LIMCH1: variants seen among roughly 807,000 people sequenced by gnomAD.
LIMCH1 encodes LIM and calponin homology domains 1, also known as LIM and calponin homology domains-containing protein 1.
A neutral mutation model predicts 176.5 loss-of-function variants in LIMCH1; 113 were observed. That is an observed-to-expected ratio of 0.64 (90% CI 0.55 to 0.75). The LOEUF (loss-of-function observed/expected upper bound fraction) is 0.75. Ranked by LOEUF, LIMCH1 falls within the 30% of genes least tolerant of loss-of-function variation. The probability of loss-of-function intolerance (pLI) is 0.00; values close to 1 mark genes in which losing one functional copy is unlikely to be tolerated. For missense variants in LIMCH1, 1,674 were observed against 1,814.9 expected, an observed-to-expected ratio of 0.92 and a Z score of 1.41; for synonymous variants, 619 against 645.9, an observed-to-expected ratio of 0.96 and a Z score of 0.63.
At chr4:41,651,242 TGATC>T (rs2094285014) in intron 18 of LIMCH1, among the ~76,000 whole-genome samples, 1 of 152,130 alleles carries the variant, frequency 6.6e-6, no homozygotes, top group African/African-American at 2.4e-5. Flanking sequence ...TGACCTCAAG[TGATC>T]CACCCACCTC....
Position 41,619,398 on chromosome 4 carries a change from G to A in LIMCH1, c.416G>A (p.Trp139Ter). Reference protein sequence around the residue: ...KAEREEYRKSWSTATSPLGGE... With the variant: ...KAEREEYRKS ...GAGAGAGAGGAATACCGCAAGAGCTGGAGTACCGCCACCTCCCCGCTGGGT... is the reference window on the plus strand; with the variant it reads ...GAGAGAGAGGAATACCGCAAGAGCTAGAGTACCGCCACCTCCCCGCTGGGT... Residue 139 changes from tryptophan (W) to a stop codon, truncating the protein, a stop_gained, in exon 6 of 32, where the codon TGG becomes TAG. Transcript: ENST00000503057. LOFTEE classifies it high-confidence loss of function. 6.2e-7 allele frequency: 1 copy of A among 1,612,922 alleles called. No individual in the cohort carries two copies. Among genetic ancestry groups the A allele is most frequent in the Non-Finnish European group, 8.5e-7 (1 of 1,180,030 alleles).
chr4:41,607,362 A>T (rs1282599925), intron 4 of LIMCH1, among the ~76,000 whole-genome samples: 1 of 152,254 alleles, frequency 6.6e-6, no homozygotes, highest in Non-Finnish European at 1.5e-5. Context: ...CAAAGCTTTC[A>T]TATTGGTCAT....
intron 1 of LIMCH1, among the ~76,000 whole-genome samples, chr4:41,539,317 C>G (rs1004133304): frequency 6.6e-6 from 1 of 152,126 alleles, no homozygotes; most frequent in Non-Finnish European, 1.5e-5. Flanking sequence ...TCAGCAGTCC[C>G]GGGAGAAGGG....
In LIMCH1 at chr4:41,422,748, T is replaced by C. The variant is rs185262800; in HGVS notation, c.96+61812T>C. Among the ~76,000 whole-genome samples, 532 of 152,220 alleles carry C rather than the reference T, an allele frequency of 3.5e-3. 2 individuals carry two copies. Among genetic ancestry groups the C allele is most frequent in the Non-Finnish European group, 3.9e-3 (265 of 68,010 alleles). ...CTAGCAGATACGGACATTTCTTTTT[T>C]CTTTCTTTCCTTTTTTATTTTTTCT... On this transcript the variant is annotated intron_variant, in intron 1 of 26. Transcript: ENST00000313860.
intron 1 of LIMCH1, among the ~76,000 whole-genome samples, chr4:41,431,000 A>C (rs1473960275): frequency 6.6e-6 from 1 of 152,222 alleles, no homozygotes; most frequent in Non-Finnish European, 1.5e-5. Flanking sequence ...TTTGTCATTT[A>C]AAATAGCAGA....
At chr4:41,670,373 C>T (rs1271748829) in intron 21 of LIMCH1, among the ~76,000 whole-genome samples, 1 of 152,064 alleles carries the variant, frequency 6.6e-6, no homozygotes, top group Admixed American at 6.6e-5. Context: ...CTAGTGTTCT[C>T]CAAAAAGCAA....
chr4:41,497,744 G>A (rs1249659912), intron 2 of LIMCH1, among the ~76,000 whole-genome samples: 1 of 151,790 alleles, frequency 6.6e-6, no homozygotes, highest in East Asian at 1.9e-4. Flanking sequence ...GGCGGAGGTT[G>A]CAGTGAGCTG....
At chr4:41,547,326 C>G (rs1406831180) in intron 1 of LIMCH1, among the ~76,000 whole-genome samples, 1 of 152,154 alleles carries the variant, frequency 6.6e-6, no homozygotes, top group Admixed American at 6.6e-5. Flanking sequence ...TTACCTCCTC[C>G]TTAGCCTCCG....
At chr4:41,476,974 G>T (rs538074638) in intron 1 of LIMCH1, among the ~76,000 whole-genome samples, 1 of 152,128 alleles carries the variant, frequency 6.6e-6, no homozygotes, top group Non-Finnish European at 1.5e-5. Flanking sequence ...AGGAAAAGGC[G>T]CATTGAAGAG....
At chr4:41,399,432 T>G (rs2058140067) in intron 1 of LIMCH1, among the ~76,000 whole-genome samples, 1 of 152,200 alleles carries the variant, frequency 6.6e-6, no homozygotes, top group Non-Finnish European at 1.5e-5. Context: ...ATCCTTTCAG[T>G]TAAAATAAGT....
In LIMCH1 at chr4:41,478,266, G is replaced by A. The variant is rs910107160; in HGVS notation, c.97-16270G>A. Among the ~76,000 whole-genome samples the A allele has an allele frequency of 2.0e-5, 3 of 152,154 alleles. No homozygotes were observed. In the East Asian group the frequency reaches 5.8e-4, roughly 29 times the overall value. ...AAATTAGTATTTTACCACCCTGGAA[G>A]CACATTTGTTGCTATCCCTCAATGA... On this transcript the variant is annotated intron_variant, in intron 1 of 26. Coordinates refer to the LIMCH1 transcript ENST00000313860.
chr4:41,613,076 T>C (rs1042679415), intron 4 of LIMCH1: 20 of 1,552,180 alleles, frequency 1.3e-5, no homozygotes, highest in Non-Finnish European at 1.7e-5. Flanking sequence ...CATGCAGTTA[T>C]GGATTCCGAA....
At chr4:41,627,507 C>CA (rs1234602493) in intron 8 of LIMCH1, among the ~76,000 whole-genome samples, 1 of 152,196 alleles carries the variant, frequency 6.6e-6, no homozygotes, top group Non-Finnish European at 1.5e-5. Flanking sequence ...TTTCTTCTGT[C>CA]ACACCAGCAA....
At chr4:41,626,567 C>CT (rs2092962860) in intron 7 of LIMCH1, 141 bp from the exon 8 acceptor site, 1 of 728,786 alleles carries the variant, frequency 1.4e-6, no homozygotes, top group African/African-American at 1.8e-5. Context: ...CAATTCTAGA[C>CT]TGAAATAATG....
At position 41,605,916 on chromosome 4, in the gene LIMCH1, T is replaced by C. The variant is rs755232681; in HGVS notation, c.-80T>C. 2 of 1,613,286 alleles carry C rather than the reference T, an allele frequency of 1.2e-6. No individual in the cohort carries two copies. The highest frequency in any genetic ancestry group is 1.3e-5 in the African/African-American group (1 of 74,912). On this transcript the variant is annotated 5_prime_UTR_variant, in exon 4 of 32. Transcript: ENST00000503057. Reference sequence around the variant, plus strand: ...CAGGTATTAGTTACCATTTACTGGCTGGGAAAAGCAGCAAACAGCTGCACA... The same window carrying C: ...CAGGTATTAGTTACCATTTACTGGCCGGGAAAAGCAGCAAACAGCTGCACA...
intron 1 of LIMCH1, among the ~76,000 whole-genome samples, chr4:41,369,407 C>T (rs1397824173): frequency 6.6e-6 from 1 of 152,128 alleles, no homozygotes; most frequent in African/African-American, 2.4e-5. Context: ...GATCTTTTAC[C>T]CCAGGCAGGA....
chr4:41,361,189 C>T (rs1294696139), intron 1 of LIMCH1, among the ~76,000 whole-genome samples: 2 of 152,226 alleles, frequency 1.3e-5, no homozygotes, highest in Non-Finnish European at 2.9e-5. Context: ...GAAGGGATCC[C>T]CTGCGCGTCC....
chr4:41,545,570 G>A (rs1332985231), intron 1 of LIMCH1, among the ~76,000 whole-genome samples: 3 of 152,122 alleles, frequency 2.0e-5, no homozygotes, highest in Admixed American at 6.6e-5. Flanking sequence ...CCTCGACAAC[G>A]ACTTTTACAT....
At chr4:41,555,917 G>C (rs1464823317) in intron 1 of LIMCH1, among the ~76,000 whole-genome samples, 1 of 151,960 alleles carries the variant, frequency 6.6e-6, no homozygotes, top group Non-Finnish European at 1.5e-5. Context: ...AATTTTTCTT[G>C]TACTTTTTGT....
Sources: gnomAD v4.1 joint callset for allele counts (sites outside exome capture counted in the v4.1 genomes callset) on GRCh38, gnomAD v4.1.1 for gene constraint, MANE v1.5 for transcripts, NCBI Gene and HGNC (gene_info 2026-07-23, HGNC 2026-07-21) for gene names.